Variants in RGS9 observed in about 807,000 individuals in gnomAD.
RGS9 encodes the protein regulator of G protein signaling 9.
Under a neutral mutation model 102.0 loss-of-function variants are expected in RGS9, and 78 were observed. The observed-to-expected ratio is 0.76, with a 90% CI of 0.64 to 0.92. The LOEUF (loss-of-function observed/expected upper bound fraction) is 0.92, where lower values mean the gene tolerates loss of function less well. RGS9 is among the 40% of genes least tolerant of loss of function. RGS9 has a pLI of 0.00. For missense variants in RGS9, 833 were observed against 866.1 expected (o/e 0.96, Z 0.48); for synonymous variants, 353 against 318.6 (o/e 1.11, Z -1.15).
intron 8 of RGS9, among the ~76,000 whole-genome samples, chr17:65,176,625 A>T (rs1911633681): frequency 6.6e-6 from 1 of 152,178 alleles, no homozygotes; most frequent in Non-Finnish European, 1.5e-5. Flanking sequence ...CAGGAAGCCC[A>T]TGTATTAGTC....
intron 9 of RGS9, chr17:65,180,102 C>G (rs1274586426): frequency 6.6e-6 from 1 of 152,290 alleles, no homozygotes; most frequent in African/African-American, 2.4e-5. Context: ...CCAGCCCTCC[C>G]CTCAGGCAGC....
chr17:65,190,301 G>T, intron 11 of RGS9, 65 bp downstream of exon 11: 1 of 1,293,378 alleles, frequency 7.7e-7, no homozygotes, highest in Non-Finnish European at 1.1e-6. Flanking sequence ...GAGAACTTCT[G>T]CAAACTCGAC....
At chr17:65,180,284 G>A (rs1911823516) in intron 9 of RGS9, among the ~76,000 whole-genome samples, 1 of 152,154 alleles carries the variant, frequency 6.6e-6, no homozygotes, top group Admixed American at 6.5e-5. Flanking sequence ...GAGAACTCAT[G>A]GTGCCTGAGC....
At chr17:65,155,244 T>C (rs903911975) in intron 2 of RGS9, among the ~76,000 whole-genome samples, 10 of 152,232 alleles carry the variant, frequency 6.6e-5, no homozygotes, top group African/African-American at 2.4e-4. Context: ...CAATTCTTCC[T>C]GAAGGCATCC....
chr17:65,147,963 T>G (rs1227888897), intron 1 of RGS9, among the ~76,000 whole-genome samples: 3 of 152,208 alleles, frequency 2.0e-5, no homozygotes, highest in African/African-American at 7.2e-5. Flanking sequence ...AAACTTTAAG[T>G]GCACAATACA....
chr17:65,215,489 G>T (rs9889732), intron 17 of RGS9, among the ~76,000 whole-genome samples: 14,669 of 116,000 alleles, frequency 0.13, 1,355 homozygotes, highest in African/African-American at 0.29. Flanking sequence ...TCTTTCTTTC[G>T]TTCTTTCGTT....
rs1270052130 is a variant in RGS9, at chr17:65,153,513, T to C, written c.149T>C (p.Met50Thr). ...CTGGTCACCAGCGTTCCTCATGCCA[T>C]GACAGGTGATGTAGCTTGCACTTTA... The part of the protein sequence containing the change: ...RVLVTSVPHA[M>T]TGSDVLQWIV... Residue 50 changes from methionine to threonine, a missense_variant, in exon 2 of 19, where the codon ATG (methionine) becomes ACG (threonine). By Grantham distance (81) the Met-to-Thr change is moderately conservative. Transcript: ENST00000262406. 1.2e-6 allele frequency: 2 copies of C among 1,612,754 alleles called. No homozygotes were observed. Among genetic ancestry groups the C allele is most frequent in the South Asian group, 2.2e-5 (2 of 91,072 alleles).
intron 1 of RGS9, among the ~76,000 whole-genome samples, chr17:65,143,357 C>T (rs1328565303): frequency 6.6e-6 from 1 of 152,154 alleles, no homozygotes; most frequent in African/African-American, 2.4e-5. Context: ...AAGGCAGAAC[C>T]TGATAGTCCA....
At chr17:65,209,851 A>T (rs1171782142) in intron 16 of RGS9, among the ~76,000 whole-genome samples, 1 of 152,130 alleles carries the variant, frequency 6.6e-6, no homozygotes, top group Non-Finnish European at 1.5e-5. Context: ...GCTGAGGCGG[A>T]TGGATCAGTT....
At chr17:65,167,497 G>A (rs567595350) in intron 7 of RGS9, among the ~76,000 whole-genome samples, 19 of 152,172 alleles carry the variant, frequency 1.2e-4, no homozygotes, top group African/African-American at 3.9e-4. Context: ...CCACTGCGCC[G>A]GGCCATAAAT....
chr17:65,168,164 T>G (rs904999216), intron 7 of RGS9, 36 bp from the exon 8 acceptor site: 13 of 1,465,608 alleles, frequency 8.9e-6, no homozygotes, highest in Non-Finnish European at 1.2e-5. Context: ...AGACACAAAG[T>G]CTTCCTGGCC....
At chr17:65,151,027 G>T (rs575481419) in intron 1 of RGS9, among the ~76,000 whole-genome samples, 1 of 152,284 alleles carries the variant, frequency 6.6e-6, no homozygotes, top group South Asian at 2.1e-4. Flanking sequence ...GTTGACTAGT[G>T]TCAAACATCC....
At chr17:65,176,349 G>C (rs773266478) in intron 8 of RGS9, among the ~76,000 whole-genome samples, 2 of 152,184 alleles carry the variant, frequency 1.3e-5, no homozygotes, top group Non-Finnish European at 2.9e-5. Context: ...TCTGTGGAGA[G>C]CTTCACACCC....
At chr17:65,157,876 A>G (rs2143986783) in intron 2 of RGS9, among the ~76,000 whole-genome samples, 1 of 152,120 alleles carries the variant, frequency 6.6e-6, no homozygotes, top group Non-Finnish European at 1.5e-5. Flanking sequence ...CTTGGTCCAG[A>G]GCCCTGCAAA....
Position 65,227,427 on chromosome 17 carries a change from TG to T in RGS9, c.*25del. ...CTGTAAGGAAAGAGGCAGGCTGAGC[TG>T]GGGGCTCTGGACCAGGAAGATGCTC... On this transcript the variant is annotated 3_prime_UTR_variant, in exon 19 of 19. Coordinates refer to ENST00000262406, the MANE Select transcript of RGS9 (RefSeq NM_003835.4). The T allele has an allele frequency of 6.2e-7, 1 of 1,605,834 alleles. No individual in the cohort carries two copies. Among genetic ancestry groups the T allele is most frequent in the Non-Finnish European group, 8.5e-7 (1 of 1,175,850 alleles).
Position 65,193,576 on chromosome 17 carries a change from C to T in RGS9, c.780C>T (p.Asn260=), listed in dbSNP as rs746633878. The T allele has an allele frequency of 1.7e-5, 28 of 1,613,672 alleles. No individual in the cohort carries two copies. The highest frequency in any genetic ancestry group is 5.0e-5 in the Admixed American group (3 of 60,008). Residue 260 remains asparagine (N), a synonymous_variant, in exon 12 of 19, where the codon AAC becomes AAT. Transcript: ENST00000262406. ...AATACAGTGAGCAGTTCTCATCCAA[C>T]GATGCCATCATGTCAGGCTGCCTCC... ...IVKYSEQFSS[N]DAIMSGCLPS...
chr17:65,143,247 C>A (rs958685180), intron 1 of RGS9, among the ~76,000 whole-genome samples: 4 of 152,150 alleles, frequency 2.6e-5, no homozygotes, highest in African/African-American at 9.7e-5. Flanking sequence ...CCGCCCTCAC[C>A]AACCCCCAAA....
intron 18 of RGS9, among the ~76,000 whole-genome samples, chr17:65,227,010 CA>C (rs1307810504): frequency 1.3e-5 from 2 of 152,056 alleles, no homozygotes; most frequent in Admixed American, 1.3e-4. Context: ...CCGAGCACCT[CA>C]AAAATGAAAA....
chr17:65,174,233 T>C (rs183778776), intron 8 of RGS9, among the ~76,000 whole-genome samples: 1 of 152,180 alleles, frequency 6.6e-6, no homozygotes, highest in African/African-American at 2.4e-5. Context: ...CTGGGGCACA[T>C]TGGAAGGAAA....
Sources: allele counts gnomAD v4.1 joint callset (sites outside exome capture counted in the v4.1 genomes callset), GRCh38; gene constraint gnomAD v4.1.1; transcripts MANE v1.5; gene names NCBI Gene and HGNC (gene_info 2026-07-23, HGNC 2026-07-21).